The following KLHL14 variants were observed in gnomAD, a reference collection of about 807,000 sequenced individuals.
KLHL14 encodes the protein kelch-like protein 14.
KLHL14 carries 22 observed loss-of-function variants against 64.3 expected under a neutral mutation model. The ratio of observed to expected loss-of-function variants is 0.34; its 90% confidence interval spans 0.24 to 0.49. The LOEUF (loss-of-function observed/expected upper bound fraction) is 0.49. Among genes scored for constraint, KLHL14 ranks in the 20% least tolerant of loss-of-function variants. KLHL14 has a pLI of 0.99. For synonymous variants in KLHL14, 322 were observed against 333.4 expected, an observed-to-expected ratio of 0.97 and a Z score of 0.37; for missense variants, 661 against 789.0, an observed-to-expected ratio of 0.84 and a Z score of 1.94.
At chr18:32,677,112 G>A in intron 8 of KLHL14, 61 bp downstream of exon 8, 9 of 1,522,480 alleles carry the variant, frequency 5.9e-6, no homozygotes, top group Non-Finnish European at 8.1e-6. Flanking sequence ...ACATTTGGAA[G>A]GATACAGAAA....
chr18:32,705,681 C>CCA (rs2144495222), intron 3 of KLHL14, among the ~76,000 whole-genome samples: 1 of 152,320 alleles, frequency 6.6e-6, no homozygotes, highest in East Asian at 1.9e-4. Context: ...CGAGATCACA[C>CCA]CACAGCACTC....
intron 4 of KLHL14, among the ~76,000 whole-genome samples, chr18:32,689,230 C>T (rs879522570): frequency 2.0e-5 from 3 of 151,790 alleles, no homozygotes; most frequent in Non-Finnish European, 2.9e-5. Context: ...AGTCATTAGT[C>T]CAGAGTTATT....
chr18:32,769,862 G>C lies in KLHL14; in HGVS notation c.730C>G (p.Leu244Val). The C allele has an allele frequency of 6.2e-7, 1 of 1,614,018 alleles. No homozygotes were observed. Among genetic ancestry groups the C allele is most frequent in the African/African-American group, 1.3e-5 (1 of 75,064 alleles). ...SELALFQMSV[L>V]WLEHDRETRM... ...GTCTCGCGGTCGTGCTCCAGCCACA[G>C]CACGGACATCTGGAAGAGCGCCAGC... Residue 244 changes from leucine to valine, a missense_variant, in exon 2 of 9, where the codon CTG (leucine) becomes GTG (valine). Leu to Val is a conservative substitution (Grantham distance 32). This residue lies in a region of KLHL14 where 331 missense variants were observed against 339.0 expected (regional missense o/e 0.98). Transcript: ENST00000359358.
chr18:32,767,601 G>A (rs1428266549), intron 2 of KLHL14, among the ~76,000 whole-genome samples: 1 of 152,216 alleles, frequency 6.6e-6, no homozygotes, highest in Non-Finnish European at 1.5e-5. Context: ...TCGTCACGGA[G>A]CCAGGCAGCC....
At chr18:32,676,300 C>T (rs1457900959) in intron 8 of KLHL14, among the ~76,000 whole-genome samples, 2 of 152,084 alleles carry the variant, frequency 1.3e-5, no homozygotes, top group African/African-American at 4.8e-5. Flanking sequence ...TATAACTGAA[C>T]CTCTTTTGTC....
intron 5 of KLHL14, among the ~76,000 whole-genome samples, chr18:32,682,798 C>G (rs1293437288): frequency 6.6e-6 from 1 of 152,178 alleles, no homozygotes; most frequent in Non-Finnish European, 1.5e-5. Context: ...TGACACATAT[C>G]TACAAAAATC....
In KLHL14 at chr18:32,674,767, A is replaced by G; in HGVS notation, c.1777T>C (p.Cys593Arg). ...GAYKSSTICY[C>R]PEKGTWTELE... ...TCTGTCCAGGTTCCTTTCTCTGGAC[A>G]ATAGCATATTGTAGATGACTTGTAG... The change falls in exon 9 of 9, where the codon TGT (cysteine) becomes CGT (arginine). Residue 593 changes from cysteine (C) to arginine (R), a missense_variant. Around this residue, in one of 2 missense-constraint regions of KLHL14, gnomAD observed 330 missense variants for 450.0 expected, o/e 0.73. Coordinates refer to ENST00000359358, the MANE Select transcript of KLHL14 (RefSeq NM_020805.3). 2.6e-6 allele frequency: 2 copies of G among 780,962 alleles called. No homozygotes were observed. The highest frequency in any genetic ancestry group is 1.7e-5 in the African/African-American group (1 of 59,260). The allele number at this position is 780,962 out of a possible 1,614,324, so 48.4% of individuals were successfully genotyped here. A position where few individuals can be genotyped will look rare whatever the true frequency, so the allele number is the denominator to read the frequency against.
At chr18:32,724,377 A>T (rs1598564616) in intron 3 of KLHL14, among the ~76,000 whole-genome samples, 1 of 152,338 alleles carries the variant, frequency 6.6e-6, no homozygotes, top group African/African-American at 2.4e-5. Context: ...TGAGGATAAC[A>T]TTTATCCAAT....
intron 3 of KLHL14, among the ~76,000 whole-genome samples, chr18:32,734,418 T>C (rs1347905387): frequency 6.6e-6 from 1 of 152,196 alleles, no homozygotes; most frequent in Non-Finnish European, 1.5e-5. Flanking sequence ...GTTGGACATG[T>C]AGAATAAGCA....
intron 3 of KLHL14, among the ~76,000 whole-genome samples, chr18:32,724,666 G>C (rs750282653): frequency 6.6e-6 from 1 of 152,190 alleles, no homozygotes; most frequent in East Asian, 1.9e-4. Context: ...ACAATGTCTT[G>C]TGTATAGAAG....
intron 3 of KLHL14, among the ~76,000 whole-genome samples, chr18:32,728,235 G>A (rs1488524286): frequency 1.3e-5 from 2 of 152,148 alleles, no homozygotes; most frequent in Admixed American, 1.3e-4. Context: ...CATGCACTCT[G>A]TTGTTAACTA....
intron 3 of KLHL14, among the ~76,000 whole-genome samples, chr18:32,739,731 C>T (rs1328561199): frequency 6.6e-6 from 1 of 151,928 alleles, no homozygotes; most frequent in Non-Finnish European, 1.5e-5. Flanking sequence ...ACCCTTTTCT[C>T]TTTACTTCTT....
In KLHL14 at chr18:32,772,137, C is replaced by T. The variant is rs748552987; in HGVS notation, c.-44+530G>A. 1.2e-5 allele frequency: 3 copies of T among 254,342 alleles called. 1 individual carries two copies. Among genetic ancestry groups the T allele is most frequent in the South Asian group, 4.5e-5 (1 of 22,256 alleles). 15.8% of individuals were successfully genotyped at this position (254,342 alleles called of 1,614,324 possible). Reference sequence around the variant, plus strand: ...GCCGGCCCGCCCGCCCGGGGGAGAGCCGCCGCCGCCGCCCGGCTCGGAGGG... The same window carrying T: ...GCCGGCCCGCCCGCCCGGGGGAGAGTCGCCGCCGCCGCCCGGCTCGGAGGG... On this transcript the variant is annotated intron_variant, in intron 1 of 8. Transcript: ENST00000359358.
chr18:32,703,294 C>A (rs77254346), intron 3 of KLHL14, among the ~76,000 whole-genome samples: 1 of 151,882 alleles, frequency 6.6e-6, no homozygotes, highest in Admixed American at 6.6e-5. Flanking sequence ...ACGAATAGCA[C>A]GAATGACTGA....
At chr18:32,706,556 A>G (rs2049991518) in intron 3 of KLHL14, among the ~76,000 whole-genome samples, 3 of 152,212 alleles carry the variant, frequency 2.0e-5, no homozygotes, top group Non-Finnish European at 4.4e-5. Context: ...GTGTTAGAAT[A>G]TAGGCTGAGA....
intron 4 of KLHL14, among the ~76,000 whole-genome samples, chr18:32,690,512 T>C (rs142431124): frequency 6.6e-6 from 1 of 152,190 alleles, no homozygotes; most frequent in African/African-American, 2.4e-5. Flanking sequence ...GGCAGATCTT[T>C]GAAGTCAGGA....
intron 3 of KLHL14, among the ~76,000 whole-genome samples, chr18:32,722,307 C>T (rs2050083882): frequency 6.6e-6 from 1 of 152,128 alleles, no homozygotes; most frequent in Admixed American, 6.6e-5. Flanking sequence ...CTGTGCCATC[C>T]CTCAAATATG....
At chr18:32,746,958 T>G (rs935231889) in intron 2 of KLHL14, among the ~76,000 whole-genome samples, 15 of 152,248 alleles carry the variant, frequency 9.9e-5, no homozygotes, top group Non-Finnish European at 2.1e-4. Context: ...AGCCTTCCAG[T>G]TGATGCTAAT....
At chr18:32,678,342 G>A (rs2144463565) in intron 7 of KLHL14, among the ~76,000 whole-genome samples, 1 of 152,106 alleles carries the variant, frequency 6.6e-6, no homozygotes, top group Admixed American at 6.5e-5. Context: ...CCAACATACT[G>A]GATTCTTTAA....
Sources: allele counts gnomAD v4.1 joint callset (sites outside exome capture counted in the v4.1 genomes callset), GRCh38; gene constraint gnomAD v4.1.1; regional missense constraint gnomAD v4.1.1; transcripts MANE v1.5; gene names NCBI Gene and HGNC (gene_info 2026-07-23, HGNC 2026-07-21).